The following DST variants were observed in gnomAD, a reference collection of about 807,000 sequenced individuals.
DST encodes the protein dystonin, also known as bullous pemphigoid antigen.
Under a neutral mutation model 875.2 loss-of-function variants are expected in DST, and 253 were observed. The observed-to-expected ratio is 0.29, with a 90% CI of 0.26 to 0.32. The LOEUF (loss-of-function observed/expected upper bound fraction) is 0.32, where lower values mean the gene tolerates loss of function less well. Ranked by LOEUF, DST falls within the 10% of genes least tolerant of loss-of-function variation. DST has a pLI of 1.00. For missense variants in DST, 8,287 were observed against 9,111.6 expected (o/e 0.91, Z 3.68); for synonymous variants, 3,124 against 3,197.1 (o/e 0.98, Z 0.77).
intron 43 of DST, chr6:56,602,081 G>T (rs1363495894): frequency 8.9e-6 from 3 of 338,414 alleles, no homozygotes; most frequent in African/African-American, 4.5e-5. Context: ...TACTTTGAGG[G>T]ATTTGAAATA....
intron 4 of DST, among the ~76,000 whole-genome samples, chr6:56,841,692 T>C (rs2099800208): frequency 2.6e-5 from 4 of 152,346 alleles, no homozygotes; most frequent in African/African-American, 9.6e-5. Context: ...TTTCTGACTG[T>C]ATAGAGCACA....
chr6:56,583,033 G>A (rs1005551238), intron 49 of DST, among the ~76,000 whole-genome samples: 2 of 152,138 alleles, frequency 1.3e-5, no homozygotes, highest in African/African-American at 2.4e-5. Context: ...CTTTGCTATT[G>A]TGAATAGTGC....
chr6:56,762,668 T>C (rs1223980119), intron 4 of DST, among the ~76,000 whole-genome samples: 1 of 152,180 alleles, frequency 6.6e-6, no homozygotes, highest in East Asian at 1.9e-4. Context: ...AACAGAACAA[T>C]GTAAAATACC....
At position 56,640,012 on chromosome 6, in the gene DST, C is replaced by T. The variant is rs1419080811; in HGVS notation, c.2536G>A (p.Glu846Lys). The T allele has an allele frequency of 1.2e-6, 2 of 1,614,052 alleles. No homozygotes were observed. The highest frequency in any genetic ancestry group is 1.7e-6 in the Non-Finnish European group (2 of 1,179,976). The change falls in exon 19 of 104, where the codon GAA becomes AAA. Residue 846 changes from glutamate (E) to lysine (K), a missense_variant. Physicochemically the swap from Glu to Lys is moderately conservative, Grantham distance 56. Transcript: ENST00000680361. ...TEWGSDLPSV[E>K]SHLENHKNVH... ...TTTTTATGATTTTCTAAATGGCTTT[C>T]AACACTTGGCAAATCTGAGCCCCAC... is the stretch of plus-strand genomic sequence containing the variant.
rs759413698 is a variant in DST, at chr6:56,502,583, A to T, written c.19567-890T>A. ...TGGGTGAACCTGGACCTAAACTCAG[A>T]TAACCTGATTTCAGAGTGAGCACTT... On this transcript the variant is annotated intron_variant, in intron 78 of 103. Transcript: ENST00000680361. Among the ~76,000 whole-genome samples the T allele has an allele frequency of 2.6e-5, 4 of 152,112 alleles. No homozygotes were observed. The South Asian group carries it at 6.2e-4, about 24-fold the overall frequency.
In DST at chr6:56,619,300, C is replaced by T. The variant is rs545103567; in HGVS notation, c.4930-4816G>A. ...TGGTTTCATTATTCTGCCTAGTAAG[C>T]TCCTCTACTTTTTGTTTTAGCATCT... On this transcript the variant is annotated intron_variant, in intron 36 of 103. Coordinates refer to ENST00000680361, the MANE Select transcript of DST (RefSeq NM_001374736.1). The T allele has an allele frequency of 2.4e-5, 38 of 1,612,034 alleles. No homozygotes were observed. The South Asian group carries it at 3.9e-4, about 16-fold the overall frequency.
At chr6:56,654,032 G>A (rs1237139616) in intron 10 of DST, among the ~76,000 whole-genome samples, 1 of 152,150 alleles carries the variant, frequency 6.6e-6, no homozygotes, top group Non-Finnish European at 1.5e-5. Flanking sequence ...TAACCAAAGA[G>A]CATTAGACTA....
At chr6:56,704,094 T>C (rs1563771994) in intron 6 of DST, among the ~76,000 whole-genome samples, 186 bp downstream of exon 6, 1 of 152,206 alleles carries the variant, frequency 6.6e-6, no homozygotes, top group South Asian at 2.1e-4. Flanking sequence ...CTTCAATCTC[T>C]CAAATTCACA....
intron 43 of DST, 191 bp from the exon 44 acceptor site, chr6:56,601,867 T>C (rs934873010): frequency 1.4e-5 from 7 of 498,766 alleles, no homozygotes; most frequent in Non-Finnish European, 2.1e-5. Flanking sequence ...TTAAATACCA[T>C]GGTAGTTAGT....
intron 4 of DST, among the ~76,000 whole-genome samples, chr6:56,799,287 C>G (rs573469537): frequency 6.6e-6 from 1 of 151,964 alleles, no homozygotes; most frequent in East Asian, 1.9e-4. Flanking sequence ...TCCAGGAGTT[C>G]TGGGTGGTAG....
intron 5 of DST, among the ~76,000 whole-genome samples, chr6:56,728,973 TAC>T (rs35066414): frequency 0.091 from 11,950 of 131,692 alleles, 487 homozygotes; most frequent in Non-Finnish European, 0.12. Flanking sequence ...ATAAAAAAAG[TAC>T]ACACACACAC....
intron 2 of DST, among the ~76,000 whole-genome samples, chr6:56,925,116 C>T (rs1211235212): frequency 6.6e-6 from 1 of 152,106 alleles, no homozygotes; most frequent in Admixed American, 6.5e-5. Flanking sequence ...ATCACAAATG[C>T]TTGCTTTAAT....
At chr6:56,746,670 T>C (rs944971746) in intron 4 of DST, among the ~76,000 whole-genome samples, 2 of 152,164 alleles carry the variant, frequency 1.3e-5, no homozygotes, top group African/African-American at 4.8e-5. Flanking sequence ...AGATGGTGTC[T>C]TTCCTATCTC....
intron 83 of DST, 47 bp downstream of exon 83, chr6:56,493,963 T>C (rs750363579): frequency 2.1e-6 from 3 of 1,421,724 alleles, no homozygotes; most frequent in South Asian, 1.8e-5. Flanking sequence ...GTCCAAGACA[T>C]GAAACAACTA....
intron 2 of DST, among the ~76,000 whole-genome samples, chr6:56,910,547 T>C (rs986926055): frequency 1.3e-5 from 2 of 152,250 alleles, no homozygotes; most frequent in East Asian, 3.9e-4. Flanking sequence ...TACAGTGGCA[T>C]GCTGTCAGCT....
At chr6:56,544,993 A>T (rs2097198849) in intron 61 of DST, among the ~76,000 whole-genome samples, 1 of 152,144 alleles carries the variant, frequency 6.6e-6, no homozygotes, top group African/African-American at 2.4e-5. Flanking sequence ...TTAAATATTA[A>T]TCATGATATC....
chr6:56,604,513 T>G lies in DST; in HGVS notation c.10115A>C (p.Glu3372Ala). The change falls in exon 40 of 104, where the codon GAG becomes GCG. Residue 3372 changes from glutamate to alanine, a missense_variant. Glu to Ala is a moderately radical substitution (Grantham distance 107). This residue lies in a region of DST where 3,138 missense variants were observed against 3,116.6 expected (regional missense o/e 1.01). Transcript: ENST00000680361. ...TGCACAGGCTGAAGGTTCTTCAACC[T>G]CTTGAGGGTTCATATGACCTTCTTT... ...RLKEGHMNPQ[E>A]VEEPSACADT... The G allele has an allele frequency of 6.2e-7, 1 of 1,612,650 alleles. No individual in the cohort carries two copies. The highest frequency in any genetic ancestry group is 8.5e-7 in the Non-Finnish European group (1 of 1,179,134).
At chr6:56,543,364 A>G (rs768765451) in intron 61 of DST, among the ~76,000 whole-genome samples, 3 of 152,126 alleles carry the variant, frequency 2.0e-5, no homozygotes, top group Non-Finnish European at 4.4e-5. Context: ...AAGTATTCCT[A>G]CCAGTGAGGG....
At chr6:56,879,564 T>C (rs183860734) in intron 3 of DST, among the ~76,000 whole-genome samples, 1 of 152,356 alleles carries the variant, frequency 6.6e-6, no homozygotes, top group African/African-American at 2.4e-5. Flanking sequence ...CCTATTAAGA[T>C]AGATAAAGAA....
Sources: allele counts gnomAD v4.1 joint callset (sites outside exome capture counted in the v4.1 genomes callset), GRCh38; gene constraint gnomAD v4.1.1; regional missense constraint gnomAD v4.1.1; transcripts MANE v1.5; gene names NCBI Gene and HGNC (gene_info 2026-07-23, HGNC 2026-07-21).